Variants in GPSM2 observed in about 807,000 individuals in gnomAD.
The protein encoded by GPSM2 is G protein-signaling modulator 2.
GPSM2 carries 58 observed loss-of-function variants against 78.4 expected under a neutral mutation model. The ratio of observed to expected loss-of-function variants is 0.74; its 90% CI spans 0.60 to 0.92. GPSM2 has a LOEUF of 0.92. Among genes scored for constraint, GPSM2 ranks in the 40% least tolerant of loss-of-function variants. The pLI is 0.00. For missense variants in GPSM2, 700 were observed against 815.5 expected (o/e 0.86, Z 1.73); for synonymous variants, 224 against 280.2 (o/e 0.80, Z 2.00).
chr1:108,910,658 T>C (rs1334792243), intron 10 of GPSM2, among the ~76,000 whole-genome samples: 1 of 151,504 alleles, frequency 6.6e-6, no homozygotes, highest in Non-Finnish European at 1.5e-5. Context: ...AGGTCAGGAG[T>C]TCGAGACCAG....
chr1:108,912,194 C>T (rs1212982552), intron 10 of GPSM2, among the ~76,000 whole-genome samples: 1 of 152,028 alleles, frequency 6.6e-6, no homozygotes, highest in Non-Finnish European at 1.5e-5. Context: ...TTTTGTGGAA[C>T]TTCATGAAGT....
At position 108,898,673 on chromosome 1, in the gene GPSM2, G is replaced by T; in HGVS notation, c.589G>T (p.Asp197Tyr). 2 of 1,613,822 alleles carry T rather than the reference G, an allele frequency of 1.2e-6. No homozygotes were observed. The highest frequency in any genetic ancestry group is 2.2e-5 in the South Asian group (2 of 90,990). ...CCTATCATTAGTGACTGCTTTGGGT[G>T]ACCGAGCGGCACAAGGACGTGCCTT... is the stretch of plus-strand genomic sequence containing the variant. ...ENLSLVTALGDRAAQGRAFGN... is the reference protein window; with the variant it reads ...ENLSLVTALGYRAAQGRAFGN... The change falls in exon 6 of 15, where the codon GAC becomes TAC. Residue 197 changes from aspartate to tyrosine, a missense_variant. Transcript: ENST00000264126.
rs547551434 is a variant in GPSM2, at chr1:108,917,516, G to A, written c.1264-1097G>A. On this transcript the variant is annotated intron_variant, in intron 11 of 14. Transcript: ENST00000264126. ...TGGGAGGCGGAGGTTGCAGTGAGCCGAGATCGTGCCACTGCACTCCAGCCT... is the reference window on the plus strand; with the variant it reads ...TGGGAGGCGGAGGTTGCAGTGAGCCAAGATCGTGCCACTGCACTCCAGCCT... Among the ~76,000 whole-genome samples, 79 of 149,030 alleles carry A rather than the reference G, an allele frequency of 5.3e-4. 1 individual carries two copies. Among genetic ancestry groups the A allele is most frequent in the African/African-American group, 1.8e-3 (73 of 40,926 alleles).
In GPSM2 at chr1:108,930,780, T is replaced by C. The variant is rs1651815216; in HGVS notation, c.*840T>C. On this transcript the variant is annotated 3_prime_UTR_variant, in exon 15 of 15. Coordinates refer to ENST00000264126, the MANE Select transcript of GPSM2 (RefSeq NM_013296.5). The stretch of plus-strand genomic sequence containing the variant: ...GGCATGCGCCTGTAGTTTCAGCTAC[T>C]TGGGAGGCTGAGGCAGGAGAATCAC... The C allele has an allele frequency of 6.5e-6, 1 of 152,928 alleles. No individual in the cohort carries two copies. The highest frequency in any genetic ancestry group is 2.4e-5 in the African/African-American group (1 of 41,426). 9.5% of individuals were successfully genotyped at this position (152,928 alleles called of 1,614,324 possible).
chr1:108,900,081 A>C (rs915068182), intron 7 of GPSM2, among the ~76,000 whole-genome samples: 1 of 152,184 alleles, frequency 6.6e-6, no homozygotes, highest in Non-Finnish European at 1.5e-5. Context: ...GAAAGGTTCT[A>C]TTATAAAATG....
intron 10 of GPSM2, among the ~76,000 whole-genome samples, 181 bp downstream of exon 10, chr1:108,904,435 A>AAT (rs940992587): frequency 6.3e-4 from 94 of 148,140 alleles, no homozygotes; most frequent in South Asian, 6.3e-4. Context: ...TTTTGTATAT[A>AAT]ATATATATAT....
intron 10 of GPSM2, among the ~76,000 whole-genome samples, chr1:108,906,748 C>A (rs575051593): frequency 1.3e-5 from 2 of 152,170 alleles, no homozygotes; most frequent in East Asian, 3.9e-4. Context: ...CACAGGGGCA[C>A]AGACCTGTAG....
chr1:108,884,945 G>A (rs1647412035), intron 1 of GPSM2, among the ~76,000 whole-genome samples: 1 of 152,130 alleles, frequency 6.6e-6, no homozygotes, highest in Non-Finnish European at 1.5e-5. Flanking sequence ...CATTTGATTT[G>A]TTAATAGTAG....
chr1:108,917,611 C>CACACACACACAT (rs1312607573), intron 11 of GPSM2, among the ~76,000 whole-genome samples: 2 of 22,726 alleles, frequency 8.8e-5, no homozygotes, highest in African/African-American at 1.8e-4. Flanking sequence ...CACACACACA[C>CACACACACACAT]ATATATATAT....
intron 1 of GPSM2, among the ~76,000 whole-genome samples, chr1:108,878,850 A>G (rs1023221821): frequency 1.3e-5 from 2 of 152,246 alleles, no homozygotes; most frequent in African/African-American, 4.8e-5. Flanking sequence ...AAGTGTCATT[A>G]TGCCCACACC....
intron 2 of GPSM2, among the ~76,000 whole-genome samples, chr1:108,892,870 AATCT>A (rs570572412): frequency 1.4e-4 from 22 of 152,322 alleles, no homozygotes; most frequent in African/African-American, 4.8e-4. Context: ...CCAGAGCCTG[AATCT>A]ATCTAAGAAT....
intron 10 of GPSM2, among the ~76,000 whole-genome samples, chr1:108,905,430 A>G (rs1423441638): frequency 6.6e-6 from 1 of 152,038 alleles, no homozygotes; most frequent in Non-Finnish European, 1.5e-5. Context: ...TGAGACCTCC[A>G]TTTTACCAAA....
chr1:108,910,350 G>T (rs1279622057), intron 10 of GPSM2, among the ~76,000 whole-genome samples: 1 of 152,050 alleles, frequency 6.6e-6, no homozygotes, highest in Non-Finnish European at 1.5e-5. Flanking sequence ...AGGTAAACCA[G>T]CCACTTAAGA....
chr1:108,898,054 T>C lies in GPSM2; in HGVS notation c.510T>C (p.Phe170=). ...CTGGTCCCCAGGATGTAGGAGAATT[T>C]CCAGAAGAAGTGAGAGATGCTCTGC... The part of the protein sequence containing the change: ...GCPGPQDVGE[F]PEEVRDALQA... Residue 170 remains phenylalanine, a synonymous_variant, in exon 5 of 15, where the codon TTT becomes TTC. Transcript: ENST00000264126. The C allele has an allele frequency of 2.5e-6, 4 of 1,614,080 alleles. No individual in the cohort carries two copies. The highest frequency in any genetic ancestry group is 3.4e-6 in the Non-Finnish European group (4 of 1,179,950).
intron 13 of GPSM2, 152 bp from the exon 14 acceptor site, chr1:108,923,848 C>G: frequency 1.5e-6 from 1 of 665,946 alleles, no homozygotes. Context: ...CTAGCCAAAG[C>G]CCATCAGTGT....
Position 108,930,647 on chromosome 1 carries a change from G to C in GPSM2, c.*707G>C, listed in dbSNP as rs1651792166. 6.6e-6 allele frequency: 1 copy of C among 152,362 alleles called. No homozygotes were observed. The highest frequency in any genetic ancestry group is 2.4e-5 in the African/African-American group (1 of 41,376). 9.4% of individuals were successfully genotyped at this position (152,362 alleles called of 1,614,324 possible). A position where few individuals can be genotyped will look rare whatever the true frequency, so the allele number is the denominator to read the frequency against. On this transcript the variant is annotated 3_prime_UTR_variant, in exon 15 of 15. Transcript: ENST00000264126. ...CTCACACCTGTAATCCCAGCACTTT[G>C]GGAGGCCGAAGCGGGCGGATCACTT...
intron 10 of GPSM2, among the ~76,000 whole-genome samples, chr1:108,906,348 C>A (rs1046193361): frequency 1.3e-5 from 2 of 151,916 alleles, no homozygotes; most frequent in South Asian, 2.1e-4. Context: ...AAGTAGCTGG[C>A]CTTGTTCCCT....
chr1:108,919,950 G>C (rs338472), intron 12 of GPSM2, among the ~76,000 whole-genome samples: 54,166 of 151,126 alleles, frequency 0.36, 11,267 homozygotes, highest in African/African-American at 0.57. Flanking sequence ...TAGATCTCCT[G>C]AATTTAGGAG....
intron 7 of GPSM2, among the ~76,000 whole-genome samples, chr1:108,901,118 A>G (rs1399364002): frequency 6.6e-6 from 1 of 152,228 alleles, no homozygotes; most frequent in African/African-American, 2.4e-5. Flanking sequence ...TTATATAAGA[A>G]GAGACTGGTA....
Sources: gnomAD v4.1 joint callset for allele counts (sites outside exome capture counted in the v4.1 genomes callset) on GRCh38, gnomAD v4.1.1 for gene constraint, MANE v1.5 for transcripts, NCBI Gene and HGNC (gene_info 2026-07-23, HGNC 2026-07-21) for gene names.